The following WDR37 variants were observed in gnomAD, a reference collection of about 807,000 sequenced individuals.
The protein encoded by WDR37 is WD repeat domain 37, also known as WD repeat-containing protein 37.
WDR37 carries 19 observed loss-of-function variants against 62.9 expected under a neutral mutation model. The observed-to-expected ratio is 0.30, with a 90% CI of 0.21 to 0.44. The LOEUF is 0.44. WDR37 is among the 20% of genes least tolerant of loss of function. WDR37 has a pLI of 1.00. For missense variants in WDR37, 474 were observed against 657.6 expected (o/e 0.72, Z 3.05); for synonymous variants, 250 against 260.9 (o/e 0.96, Z 0.40).
rs571213033 is a variant in WDR37 at position 1,068,361 on chromosome 10, G to A, written c.-40-3755G>A. Reference sequence around the variant, plus strand: ...CCGGGCGTGGTGGCGGGCGCCTGAGGCAGGAGAATGGCGTGAACCCGGGAG... The same window carrying A: ...CCGGGCGTGGTGGCGGGCGCCTGAGACAGGAGAATGGCGTGAACCCGGGAG... On this transcript the variant is annotated intron_variant, in intron 1 of 13. Transcript: ENST00000263150. Among the ~76,000 whole-genome samples the A allele has an allele frequency of 1.6e-4, 24 of 145,706 alleles. 1 individual carries two copies. The South Asian group carries it at 5.4e-3, about 33-fold the overall frequency.
At chr10:1,066,327 A>G (rs575373805) in intron 1 of WDR37, among the ~76,000 whole-genome samples, 18 of 152,328 alleles carry the variant, frequency 1.2e-4, no homozygotes, top group East Asian at 3.9e-4. Flanking sequence ...CGTGTTAGCT[A>G]GGATGGTCTC....
At chr10:1,082,758 TGCACAGCTCCAGCA>T (rs59062191) in intron 5 of WDR37, among the ~76,000 whole-genome samples, 14,346 of 150,620 alleles carry the variant, frequency 0.095, 1,349 homozygotes, top group African/African-American at 0.25. Flanking sequence ...CATGATCCCC[TGCACAGCTCCAGCA>T]GCACAGCTCC....
At chr10:1,099,618 A>G (rs1429773714) in intron 9 of WDR37, among the ~76,000 whole-genome samples, 5 of 152,256 alleles carry the variant, frequency 3.3e-5, no homozygotes, top group Admixed American at 3.3e-4. Flanking sequence ...CAGACTATTC[A>G]TTATGTAGCG....
chr10:1,127,867 C>T (rs778994882), intron 13 of WDR37, among the ~76,000 whole-genome samples: 8 of 152,304 alleles, frequency 5.3e-5, no homozygotes, highest in East Asian at 1.9e-4. Flanking sequence ...ATGCTGTGGG[C>T]GCATGAGAGA....
intron 1 of WDR37, among the ~76,000 whole-genome samples, chr10:1,064,453 TAA>T (rs764058217): frequency 2.0e-5 from 3 of 152,010 alleles, no homozygotes; most frequent in Admixed American, 6.6e-5. Context: ...AGAAGCAGCA[TAA>T]ACCCAGAGAA....
At chr10:1,120,903 G>A (rs1471899251) in intron 11 of WDR37, among the ~76,000 whole-genome samples, 2 of 152,232 alleles carry the variant, frequency 1.3e-5, no homozygotes, top group African/African-American at 4.8e-5. Flanking sequence ...TGCCAGCTTC[G>A]CGGCGTTTCC....
At chr10:1,107,500 C>A (rs1835062116) in intron 11 of WDR37, among the ~76,000 whole-genome samples, 1 of 152,276 alleles carries the variant, frequency 6.6e-6, no homozygotes, top group Non-Finnish European at 1.5e-5. Context: ...CCCACAAACC[C>A]TTCACCTAGG....
intron 11 of WDR37, among the ~76,000 whole-genome samples, chr10:1,111,613 T>C (rs1430113771): frequency 6.6e-6 from 1 of 152,228 alleles, no homozygotes; most frequent in South Asian, 2.1e-4. Context: ...CAGTCACCTT[T>C]TCCTTTTGAT....
At chr10:1,081,758 T>C (rs1834037375) in intron 5 of WDR37, among the ~76,000 whole-genome samples, 1 of 152,226 alleles carries the variant, frequency 6.6e-6, no homozygotes, top group Non-Finnish European at 1.5e-5. Flanking sequence ...ATGTTCTTCC[T>C]CATTTAATTT....
At chr10:1,065,059 A>C (rs1262167081) in intron 1 of WDR37, among the ~76,000 whole-genome samples, 4 of 152,226 alleles carry the variant, frequency 2.6e-5, no homozygotes, top group Admixed American at 6.5e-5. Flanking sequence ...ATAACAAATA[A>C]AGGAAATTCT....
At chr10:1,099,113 C>T (rs1834702832) in intron 9 of WDR37, among the ~76,000 whole-genome samples, 1 of 152,158 alleles carries the variant, frequency 6.6e-6, no homozygotes, top group Non-Finnish European at 1.5e-5. Flanking sequence ...TGTATTTATA[C>T]CATAAATTCA....
rs1833196572 is a variant in WDR37 at position 1,056,950 on chromosome 10, G to C, written c.-59G>C. ...ACCTGGGCTGGCTCCGGGGGTGGCG[G>C]GCGCAGCTGCTGTGACAGGTGAGTG... On this transcript the variant is annotated 5_prime_UTR_variant, in exon 1 of 14. Transcript: ENST00000263150. The C allele has an allele frequency of 6.5e-6, 1 of 152,770 alleles. No homozygotes were observed. Among genetic ancestry groups the C allele is most frequent in the Non-Finnish European group, 1.5e-5 (1 of 68,446 alleles). 9.5% of individuals were successfully genotyped at this position (152,770 alleles called of 1,614,324 possible).
At chr10:1,081,160 T>C (rs549681634) in intron 5 of WDR37, among the ~76,000 whole-genome samples, 3 of 152,292 alleles carry the variant, frequency 2.0e-5, no homozygotes, top group East Asian at 3.9e-4. Flanking sequence ...GTTTCCTAAG[T>C]GTGATCAGGA....
chr10:1,108,406 C>A (rs1835089358), intron 11 of WDR37, among the ~76,000 whole-genome samples: 1 of 152,164 alleles, frequency 6.6e-6, no homozygotes, highest in South Asian at 2.1e-4. Context: ...TTTCTTATGA[C>A]TTCCTTTAAG....
chr10:1,127,087 C>T (rs931797934), intron 13 of WDR37, among the ~76,000 whole-genome samples: 3 of 152,286 alleles, frequency 2.0e-5, no homozygotes, highest in African/African-American at 4.8e-5. Context: ...TGTGCCCATG[C>T]GGATTTTAAA....
At chr10:1,111,187 G>A (rs1313188305) in intron 11 of WDR37, among the ~76,000 whole-genome samples, 1 of 152,156 alleles carries the variant, frequency 6.6e-6, no homozygotes, top group Non-Finnish European at 1.5e-5. Context: ...TTATCTTAGG[G>A]CGTATTTTCA....
intron 9 of WDR37, among the ~76,000 whole-genome samples, chr10:1,101,328 GGC>G (rs1192982318): frequency 1.3e-5 from 2 of 152,194 alleles, no homozygotes; most frequent in Middle Eastern, 3.2e-3. Context: ...TTCCTCCTGA[GGC>G]GTCTTTCCAT....
intron 1 of WDR37, among the ~76,000 whole-genome samples, chr10:1,066,205 T>TC (rs1833535642): frequency 6.6e-6 from 1 of 152,134 alleles, no homozygotes; most frequent in Non-Finnish European, 1.5e-5. Flanking sequence ...AACCTCCGCC[T>TC]CCCGGGTTGA....
At chr10:1,126,327 A>G (rs552997772) in intron 13 of WDR37, among the ~76,000 whole-genome samples, 24 of 148,352 alleles carry the variant, frequency 1.6e-4, no homozygotes, top group Non-Finnish European at 3.0e-4. Context: ...AATGGCGTGA[A>G]CCCAGGAGGC....
Sources: gnomAD v4.1 joint callset for allele counts (sites outside exome capture counted in the v4.1 genomes callset) on GRCh38, gnomAD v4.1.1 for gene constraint, MANE v1.5 for transcripts, NCBI Gene and HGNC (gene_info 2026-07-23, HGNC 2026-07-21) for gene names.